The following MARCHF3 variants were observed in gnomAD, a reference collection of about 807,000 sequenced individuals.
MARCHF3 encodes the protein membrane associated ring-CH-type finger 3.
Under a neutral mutation model 24.2 loss-of-function variants are expected in MARCHF3, and 13 were observed. The ratio of observed to expected loss-of-function variants is 0.54; its 90% CI spans 0.35 to 0.85. The LOEUF is 0.85. MARCHF3 is among the 40% of genes least tolerant of loss of function. The pLI is 0.01. For missense variants in MARCHF3, 276 were observed against 325.0 expected, an observed-to-expected ratio of 0.85 and a Z score of 1.16; for synonymous variants, 144 against 137.3, an observed-to-expected ratio of 1.05 and a Z score of -0.34.
intron 1 of MARCHF3, among the ~76,000 whole-genome samples, chr5:126,956,917 G>A (rs547394562): frequency 2.0e-5 from 3 of 152,108 alleles, no homozygotes; most frequent in East Asian, 3.9e-4. Context: ...GGTTAAGAAC[G>A]GTGTTTCTTT....
chr5:126,884,111 A>C (rs1390877086), intron 3 of MARCHF3, among the ~76,000 whole-genome samples: 1 of 152,212 alleles, frequency 6.6e-6, no homozygotes, highest in African/African-American at 2.4e-5. Flanking sequence ...ATTCTCGCTT[A>C]TCTGGGGAGC....
chr5:126,983,290 G>A (rs1751451944), intron 1 of MARCHF3, among the ~76,000 whole-genome samples: 1 of 152,182 alleles, frequency 6.6e-6, no homozygotes, highest in Non-Finnish European at 1.5e-5. Context: ...GCTCCAGGAG[G>A]GCAGGGAAGG....
chr5:126,983,914 A>T (rs977226239), intron 1 of MARCHF3, among the ~76,000 whole-genome samples: 1 of 152,212 alleles, frequency 6.6e-6, no homozygotes, highest in African/African-American at 2.4e-5. Flanking sequence ...CCCAACTCCA[A>T]CATTGAGAAA....
chr5:127,023,546 C>A (rs1752882754), intron 1 of MARCHF3, among the ~76,000 whole-genome samples: 1 of 151,950 alleles, frequency 6.6e-6, no homozygotes, highest in Non-Finnish European at 1.5e-5. Flanking sequence ...GCCTGGCCAA[C>A]ATGGCGAAAC....
chr5:127,029,433 G>A (rs2126868940), intron 1 of MARCHF3, among the ~76,000 whole-genome samples: 1 of 152,054 alleles, frequency 6.6e-6, no homozygotes, highest in East Asian at 1.9e-4. Flanking sequence ...TGTTTATTCC[G>A]CACATAATAT....
In MARCHF3 at chr5:126,870,609, A is replaced by G; in HGVS notation, c.*24T>C. The G allele has an allele frequency of 2.6e-6, 4 of 1,513,784 alleles. No individual in the cohort carries two copies. The highest frequency in any genetic ancestry group is 3.5e-6 in the Non-Finnish European group (4 of 1,151,414). 93.8% of individuals were successfully genotyped at this position (1,513,784 alleles called of 1,614,324 possible). ...CTTCCAAACCCCAAACAATGAATCA[A>G]ACAACCAACCAACCATACAAACATC... On this transcript the variant is annotated 3_prime_UTR_variant, in exon 5 of 5. Transcript: ENST00000308660.
chr5:126,900,053 ACCTTTTCATCCTTCCCT>A (rs1754054283), intron 3 of MARCHF3, among the ~76,000 whole-genome samples: 1 of 152,058 alleles, frequency 6.6e-6, no homozygotes, highest in South Asian at 2.1e-4. Context: ...TCTGTGCTCC[ACCTTTTCATCCTTCCCT>A]CCTTGCTAAC....
At chr5:126,889,453 G>A (rs1008896122) in intron 3 of MARCHF3, among the ~76,000 whole-genome samples, 1 of 152,100 alleles carries the variant, frequency 6.6e-6, no homozygotes, top group Admixed American at 6.6e-5. Flanking sequence ...TCCCTCAGGT[G>A]TAGTGAGAAT....
intron 3 of MARCHF3, among the ~76,000 whole-genome samples, chr5:126,889,451 G>A (rs532059679): frequency 6.6e-6 from 1 of 152,140 alleles, no homozygotes; most frequent in East Asian, 1.9e-4. Flanking sequence ...TGTCCCTCAG[G>A]TGTAGTGAGA....
At chr5:126,923,520 G>A (rs189414049) in intron 1 of MARCHF3, among the ~76,000 whole-genome samples, 108 of 152,302 alleles carry the variant, frequency 7.1e-4, no homozygotes, top group African/African-American at 2.5e-3. Context: ...CCTGGACAGC[G>A]GTCTAAGCAG....
intron 1 of MARCHF3, among the ~76,000 whole-genome samples, chr5:126,978,365 G>A (rs890975425): frequency 3.3e-5 from 5 of 152,074 alleles, no homozygotes; most frequent in African/African-American, 1.2e-4. Flanking sequence ...GGACATATTG[G>A]GAATGGAATG....
In MARCHF3 at chr5:126,871,446, G is replaced by A. The variant is rs548209878; in HGVS notation, c.604-655C>T. ...TCGAGCCTCAGGCTAGGTGGGGCAC[G>A]ACTCCCTTGGGTGCCCACTGTGCCT... On this transcript the variant is annotated intron_variant, in intron 4 of 4. Coordinates refer to ENST00000308660, the MANE Select transcript of MARCHF3 (RefSeq NM_178450.5). Among the ~76,000 whole-genome samples the A allele has an allele frequency of 4.8e-4, 73 of 152,270 alleles. No homozygotes were observed. In the South Asian group the frequency reaches 0.015, roughly 31 times the overall value.
At chr5:126,966,542 A>T (rs536783108) in intron 1 of MARCHF3, among the ~76,000 whole-genome samples, 1 of 152,050 alleles carries the variant, frequency 6.6e-6, no homozygotes, top group African/African-American at 2.4e-5. Flanking sequence ...AAGTGGAAAA[A>T]TTAGAAGACT....
intron 3 of MARCHF3, among the ~76,000 whole-genome samples, chr5:126,897,479 T>C (rs904024525): frequency 1.3e-5 from 2 of 152,048 alleles, no homozygotes; most frequent in African/African-American, 2.4e-5. Context: ...ATTAACTGTA[T>C]AGTTTTAGAT....
intron 1 of MARCHF3, among the ~76,000 whole-genome samples, chr5:126,958,826 T>C (rs1313056640): frequency 3.3e-5 from 5 of 152,218 alleles, no homozygotes; most frequent in Non-Finnish European, 7.3e-5. Flanking sequence ...ATGATGGGGC[T>C]ATTTTAAAGC....
chr5:126,955,233 C>T (rs1259176254), intron 1 of MARCHF3, among the ~76,000 whole-genome samples: 1 of 152,198 alleles, frequency 6.6e-6, no homozygotes, highest in East Asian at 1.9e-4. Flanking sequence ...AAAATATGAA[C>T]ATACTCTAAT....
intron 3 of MARCHF3, among the ~76,000 whole-genome samples, chr5:126,897,247 C>T (rs1753954938): frequency 6.6e-6 from 1 of 151,708 alleles, no homozygotes; most frequent in Non-Finnish European, 1.5e-5. Flanking sequence ...CCTTGTTGGT[C>T]AGGCTGGTCT....
intron 1 of MARCHF3, among the ~76,000 whole-genome samples, chr5:126,918,676 T>C (rs1448977871): frequency 6.6e-6 from 1 of 152,208 alleles, no homozygotes; most frequent in Non-Finnish European, 1.5e-5. Context: ...TCTGAGATAC[T>C]AAGATTAAAA....
chr5:126,936,292 C>A (rs530395844), intron 1 of MARCHF3, among the ~76,000 whole-genome samples: 1 of 152,162 alleles, frequency 6.6e-6, no homozygotes, highest in Non-Finnish European at 1.5e-5. Flanking sequence ...CAAACAAGGA[C>A]TTATGCACGA....
Sources: allele counts gnomAD v4.1 joint callset (sites outside exome capture counted in the v4.1 genomes callset), GRCh38; gene constraint gnomAD v4.1.1; transcripts MANE v1.5; gene names NCBI Gene and HGNC (gene_info 2026-07-23, HGNC 2026-07-21).